MALRD1: variants seen among roughly 807,000 people sequenced by gnomAD.
MALRD1 encodes the protein MAM and LDL-receptor class A domain-containing protein 1.
A neutral mutation model predicts 242.1 loss-of-function variants in MALRD1; 247 were observed. That is an observed-to-expected ratio of 1.02 (90% CI 0.92 to 1.13). The LOEUF (loss-of-function observed/expected upper bound fraction) is 1.13. Among genes scored for constraint, MALRD1 ranks in the 50% most tolerant of loss-of-function variants. MALRD1 has a pLI of 0.00. For missense variants in MALRD1, 2,989 were observed against 2,533.1 expected (o/e 1.18, Z -3.86); for synonymous variants, 995 against 866.6 (o/e 1.15, Z -2.60).
At chr10:19,584,784 G>A (rs1199144040) in intron 33 of MALRD1, among the ~76,000 whole-genome samples, 2 of 151,994 alleles carry the variant, frequency 1.3e-5, no homozygotes, top group Non-Finnish European at 2.9e-5. Context: ...TATTGTTGTT[G>A]ACTTTCTGTC....
At position 19,175,298 on chromosome 10, in the gene MALRD1, T is replaced by C. The variant is rs776910464; in HGVS notation, c.1921T>C (p.Ser641Pro). ...VSQECEISYK[S>P]LPRTSTQSKF... ...CCAGGAATGTGAAATTTCCTATAAATCACTACCAAGGACCAGTACACAAAG... is the reference window on the plus strand; with the variant it reads ...CCAGGAATGTGAAATTTCCTATAAACCACTACCAAGGACCAGTACACAAAG... The change falls in exon 14 of 40, where the codon TCA becomes CCA. Residue 641 changes from serine to proline, a missense_variant. Coordinates refer to ENST00000454679, the MANE Select transcript of MALRD1 (RefSeq NM_001142308.3). The C allele has an allele frequency of 4.6e-4, 563 of 1,230,626 alleles. 1 individual carries two copies. Among genetic ancestry groups the C allele is most frequent in the Non-Finnish European group, 5.4e-4 (533 of 987,354 alleles). 76.2% of individuals were successfully genotyped at this position (1,230,626 alleles called of 1,614,324 possible).
intron 24 of MALRD1, among the ~76,000 whole-genome samples, chr10:19,340,794 G>C (rs946837120): frequency 9.9e-5 from 15 of 152,186 alleles, no homozygotes; most frequent in African/African-American, 3.6e-4. Context: ...TGTCATAGCA[G>C]TGCAAAATTT....
chr10:19,379,727 C>A (rs1385633447), intron 26 of MALRD1, among the ~76,000 whole-genome samples: 1 of 152,070 alleles, frequency 6.6e-6, no homozygotes, highest in African/African-American at 2.4e-5. Flanking sequence ...CTATTTCACA[C>A]GTCCTTGAAA....
At chr10:19,621,453 TAAA>T (rs1211035854) in intron 36 of MALRD1, among the ~76,000 whole-genome samples, 2 of 149,676 alleles carry the variant, frequency 1.3e-5, no homozygotes, top group East Asian at 4.0e-4. Context: ...ATTGAAAAAG[TAAA>T]GATTAAATTA....
intron 35 of MALRD1, among the ~76,000 whole-genome samples, chr10:19,611,176 C>T (rs1188331985): frequency 6.6e-6 from 1 of 151,916 alleles, no homozygotes; most frequent in African/African-American, 2.4e-5. Flanking sequence ...TGCTATCATA[C>T]ATATTTCTAC....
rs567774399 is a variant in MALRD1, at chr10:19,479,447, CTG to C, written c.5030-12067_5030-12066del. Among the ~76,000 whole-genome samples, 25 of 152,256 alleles carry C rather than the reference CTG, an allele frequency of 1.6e-4. No homozygotes were observed. In the South Asian group the frequency reaches 5.2e-3, roughly 32 times the overall value. On this transcript the variant is annotated intron_variant, in intron 29 of 39. Transcript: ENST00000454679. ...GGATTTTGTTGGCTAAGGGTAAAGACTGTGGTGCCAAAGCATGTATTCTGGCT... is the reference window on the plus strand; with the variant it reads ...GGATTTTGTTGGCTAAGGGTAAAGACTGGTGCCAAAGCATGTATTCTGGCT...
At chr10:19,311,464 G>T (rs1842420122) in intron 21 of MALRD1, among the ~76,000 whole-genome samples, 1 of 151,230 alleles carries the variant, frequency 6.6e-6, no homozygotes, top group African/African-American at 2.4e-5. Context: ...CTGAACATTT[G>T]CTAGGATGTG....
At chr10:19,635,924 G>T (rs773507887) in intron 36 of MALRD1, among the ~76,000 whole-genome samples, 8 of 150,004 alleles carry the variant, frequency 5.3e-5, no homozygotes, top group African/African-American at 2.0e-4. Context: ...TTTTTGAAAC[G>T]CAGCGTCACT....
intron 17 of MALRD1, among the ~76,000 whole-genome samples, chr10:19,206,601 C>T (rs923997537): frequency 3.9e-5 from 6 of 152,040 alleles, no homozygotes; most frequent in Admixed American, 2.6e-4. Flanking sequence ...ATACTTCTTG[C>T]GATTATGGAT....
intron 38 of MALRD1, chr10:19,710,573 C>G (rs1834062035): frequency 6.6e-6 from 1 of 152,194 alleles, no homozygotes; most frequent in Admixed American, 6.5e-5. Flanking sequence ...CTAAGTATCC[C>G]AGGTTGTTCT....
chr10:19,367,467 A>G (rs2130730584), intron 26 of MALRD1, among the ~76,000 whole-genome samples: 1 of 152,234 alleles, frequency 6.6e-6, no homozygotes, highest in African/African-American at 2.4e-5. Context: ...ATGGCTGAAT[A>G]AGATTGCATT....
chr10:19,271,581 G>A (rs1233323903), intron 19 of MALRD1, among the ~76,000 whole-genome samples: 1 of 152,084 alleles, frequency 6.6e-6, no homozygotes, highest in East Asian at 1.9e-4. Context: ...GGCTAACACG[G>A]TGAAACCCCG....
intron 32 of MALRD1, among the ~76,000 whole-genome samples, chr10:19,558,789 G>A (rs1835836468): frequency 6.6e-6 from 1 of 152,108 alleles, no homozygotes; most frequent in Admixed American, 6.5e-5. Context: ...TATAGGTGTA[G>A]TCAGATTATC....
intron 31 of MALRD1, among the ~76,000 whole-genome samples, chr10:19,514,231 A>G (rs1424298839): frequency 6.6e-6 from 1 of 152,200 alleles, no homozygotes; most frequent in East Asian, 1.9e-4. Flanking sequence ...AACTAGAATT[A>G]TGACTGACAG....
At chr10:19,572,525 A>C (rs1203093917) in intron 33 of MALRD1, among the ~76,000 whole-genome samples, 1 of 152,160 alleles carries the variant, frequency 6.6e-6, no homozygotes, top group Non-Finnish European at 1.5e-5. Context: ...AACCCTATGG[A>C]GATTGCACCA....
chr10:19,085,272 A>C (rs1835630615), intron 2 of MALRD1, among the ~76,000 whole-genome samples: 1 of 151,956 alleles, frequency 6.6e-6, no homozygotes, highest in Non-Finnish European at 1.5e-5. Flanking sequence ...GCCATGATGA[A>C]AAATGTTCTC....
intron 14 of MALRD1, among the ~76,000 whole-genome samples, chr10:19,180,018 G>A (rs544340301): frequency 6.6e-6 from 1 of 152,190 alleles, no homozygotes; most frequent in African/African-American, 2.4e-5. Flanking sequence ...TGGTGGATAA[G>A]CTTTTCCAAA....
intron 26 of MALRD1, among the ~76,000 whole-genome samples, chr10:19,358,178 A>C (rs898409768): frequency 7.3e-6 from 1 of 136,408 alleles, no homozygotes; most frequent in Non-Finnish European, 1.6e-5. Context: ...ATATATATGC[A>C]ATCAGGGCAG....
At chr10:19,263,191 C>T (rs1422553016) in intron 19 of MALRD1, among the ~76,000 whole-genome samples, 1 of 152,138 alleles carries the variant, frequency 6.6e-6, no homozygotes, top group Non-Finnish European at 1.5e-5. Flanking sequence ...TGGATAGTTA[C>T]ATTTTAAATT....
Sources: allele counts gnomAD v4.1 joint callset (sites outside exome capture counted in the v4.1 genomes callset), GRCh38; gene constraint gnomAD v4.1.1; transcripts MANE v1.5; gene names NCBI Gene and HGNC (gene_info 2026-07-23, HGNC 2026-07-21).